MAP3K19: variants seen among roughly 807,000 people sequenced by gnomAD.
MAP3K19 encodes SPS1/STE20-related protein kinase YSK4.
MAP3K19 carries 91 observed loss-of-function variants against 114.4 expected under a neutral mutation model. The observed-to-expected ratio is 0.80, with a 90% confidence interval of 0.67 to 0.95. MAP3K19 has a LOEUF of 0.95. MAP3K19 is among the 40% of genes least tolerant of loss of function. The pLI is 0.00. For missense variants in MAP3K19, 1,471 were observed against 1,573.2 expected, an observed-to-expected ratio of 0.94 and a Z score of 1.10; for synonymous variants, 518 against 530.5, an observed-to-expected ratio of 0.98 and a Z score of 0.32.
intron 2 of MAP3K19, among the ~76,000 whole-genome samples, chr2:135,036,200 G>A (rs1044884647): frequency 3.3e-5 from 5 of 151,878 alleles, no homozygotes; most frequent in African/African-American, 1.2e-4. Context: ...ATTGCCCTTC[G>A]TTTATGTCTT....
chr2:135,038,630 G>C (rs1200290885), intron 2 of MAP3K19, among the ~76,000 whole-genome samples: 1 of 151,998 alleles, frequency 6.6e-6, no homozygotes, highest in Non-Finnish European at 1.5e-5. Context: ...AAGGTGGGTG[G>C]ATTGCCTGAG....
At chr2:135,010,872 C>T (rs1474293997) in intron 5 of MAP3K19, among the ~76,000 whole-genome samples, 1 of 152,032 alleles carries the variant, frequency 6.6e-6, no homozygotes, top group Non-Finnish European at 1.5e-5. Context: ...CTCAAGGGAT[C>T]TTCCCACTTC....
At chr2:135,014,889 C>T (rs536825766) in intron 5 of MAP3K19, among the ~76,000 whole-genome samples, 4 of 152,314 alleles carry the variant, frequency 2.6e-5, no homozygotes, top group African/African-American at 9.6e-5. Flanking sequence ...CTCTCATTCT[C>T]ATTTATGTGT....
In MAP3K19 at chr2:134,986,847, T is replaced by G. The variant is rs1242683315; in HGVS notation, c.2025A>C (p.Arg675=). The change falls in exon 10 of 13, where the codon CGA becomes CGC. Residue 675 remains arginine, a synonymous_variant. Transcript: ENST00000392915. ...ACGTGTTTTCATCCCTTTCAGTCTC[T>G]CGCACATGACAATAAACAGGGGTCC... The part of the protein sequence containing the change: ...MFGTPVYCHV[R]ETERDENTYY... 2.1e-5 allele frequency: 34 copies of G among 1,614,202 alleles called. No individual in the cohort carries two copies. The highest frequency in any genetic ancestry group is 2.9e-5 in the Non-Finnish European group (34 of 1,180,034).
intron 12 of MAP3K19, among the ~76,000 whole-genome samples, chr2:134,971,033 C>G (rs1218691424): frequency 6.6e-6 from 1 of 152,176 alleles, no homozygotes; most frequent in Non-Finnish European, 1.5e-5. Context: ...TTTCCCCATT[C>G]TGTATGATGT....
chr2:135,040,094 G>C (rs1249379166), intron 2 of MAP3K19, among the ~76,000 whole-genome samples: 2 of 152,088 alleles, frequency 1.3e-5, no homozygotes, highest in African/African-American at 2.4e-5. Flanking sequence ...AGCTCCTCGG[G>C]GGTGGCATCT....
chr2:134,986,335 T>C lies in MAP3K19; in HGVS notation c.2537A>G (p.Gln846Arg), dbSNP rs1363064570. ...GTCTTCTGAAGGGATAAATGGGATC[T>C]GGTGATGTAGCTCTTCAAGTTCTTG... ...DLQELEELHH[Q>R]IPFIPSEDSW... The change falls in exon 10 of 13, where the codon CAG (glutamine) becomes CGG (arginine). Residue 846 changes from glutamine (Q) to arginine (R), a missense_variant. Coordinates refer to ENST00000392915, the MANE Select transcript of MAP3K19 (RefSeq NM_025052.5). The C allele has an allele frequency of 1.9e-6, 3 of 1,613,590 alleles. No individual in the cohort carries two copies. Among genetic ancestry groups the C allele is most frequent in the Non-Finnish European group, 2.5e-6 (3 of 1,179,890 alleles).
intron 5 of MAP3K19, 51 bp from the exon 6 acceptor site, chr2:135,005,582 G>A (rs375165667): frequency 2.1e-6 from 3 of 1,402,766 alleles, no homozygotes; most frequent in South Asian, 1.2e-5. Context: ...CGATGTACCA[G>A]TTTGTTGGCA....
chr2:134,986,827 T>G lies in MAP3K19; in HGVS notation c.2045A>C (p.Asn682Thr). ...CGAACATATCTCACGGTAATACGTG[T>G]TTTCATCCCTTTCAGTCTCTCGCAC... ...CHVRETERDE[N>T]TYYREICSAP... Residue 682 changes from asparagine to threonine, a missense_variant, in exon 10 of 13, where the codon AAC becomes ACC. Transcript: ENST00000392915. The G allele has an allele frequency of 6.2e-7, 1 of 1,614,176 alleles. No individual in the cohort carries two copies. Among genetic ancestry groups the G allele is most frequent in the Non-Finnish European group, 8.5e-7 (1 of 1,180,024 alleles).
At position 135,005,478 on chromosome 2, in the gene MAP3K19, T is replaced by C. The variant is rs1480877190; in HGVS notation, c.192A>G (p.Glu64=). ...CSHSTLVNEE[E]DPSGGRQDWQ... ...AGTCCTGTCTACCACCACTGGGATC[T>C]TCTTCTTCATTAACCAGTGTGGAAT... The change falls in exon 6 of 13, where the codon GAA becomes GAG. Residue 64 remains glutamate, a synonymous_variant. Coordinates refer to ENST00000392915, the MANE Select transcript of MAP3K19 (RefSeq NM_025052.5). The C allele has an allele frequency of 1.2e-6, 2 of 1,614,008 alleles. No homozygotes were observed. The highest frequency in any genetic ancestry group is 2.2e-5 in the South Asian group (2 of 91,050).
chr2:134,966,566 A>C (rs1968611), intron 12 of MAP3K19, among the ~76,000 whole-genome samples: 1 of 152,018 alleles, frequency 6.6e-6, no homozygotes, highest in Non-Finnish European at 1.5e-5. Flanking sequence ...TTCTACGGGC[A>C]CTCACTTTTC....
intron 5 of MAP3K19, among the ~76,000 whole-genome samples, chr2:135,019,322 G>A (rs1288511332): frequency 6.6e-6 from 1 of 152,084 alleles, no homozygotes; most frequent in Non-Finnish European, 1.5e-5. Flanking sequence ...TTCTTGACTA[G>A]GAGAAAATAT....
rs142728110 is a variant in MAP3K19, at chr2:134,986,449, G to C, written c.2423C>G (p.Ser808Cys). The change falls in exon 10 of 13, where the codon TCC becomes TGC. Residue 808 changes from serine to cysteine, a missense_variant. Coordinates refer to ENST00000392915, the MANE Select transcript of MAP3K19 (RefSeq NM_025052.5). ...TTCCATAGAAACTTCTTCAACAATG[G>C]ATAAATCTGAGACAGGAGGGAATTC... ...QNEFPPVSDL[S>C]IVEEVSMEES... 3.7e-4 allele frequency: 600 copies of C among 1,614,054 alleles called. 1 individual carries two copies. The Middle Eastern group carries it at 7.4e-3, about 20-fold the overall frequency.
intron 10 of MAP3K19, 35 bp from the exon 11 acceptor site, chr2:134,983,860 A>G (rs1684899226): frequency 6.8e-7 from 1 of 1,470,992 alleles, no homozygotes; most frequent in Middle Eastern, 1.8e-4. Context: ...GATGACCATT[A>G]AACCAAGTCA....
At chr2:135,044,719 C>T (rs775601963) in intron 1 of MAP3K19, among the ~76,000 whole-genome samples, 1 of 152,194 alleles carries the variant, frequency 6.6e-6, no homozygotes, top group Non-Finnish European at 1.5e-5. Flanking sequence ...TTACTCCTTG[C>T]TAGCCACACT....
chr2:134,989,859 A>C (rs1376952576), intron 9 of MAP3K19, among the ~76,000 whole-genome samples: 2 of 152,154 alleles, frequency 1.3e-5, no homozygotes, highest in Non-Finnish European at 2.9e-5. Context: ...AGGCAATCGG[A>C]TCACTCAAGG....
chr2:134,990,035 T>C (rs901013949), intron 9 of MAP3K19, among the ~76,000 whole-genome samples: 2 of 151,938 alleles, frequency 1.3e-5, no homozygotes, highest in Admixed American at 6.5e-5. Flanking sequence ...TGAGCCGAGA[T>C]TGTGCCAACT....
At chr2:134,977,223 CA>C (rs1390818632) in intron 12 of MAP3K19, among the ~76,000 whole-genome samples, 4 of 151,066 alleles carry the variant, frequency 2.6e-5, no homozygotes, top group African/African-American at 9.7e-5. Context: ...ATTCTGTTGC[CA>C]AAGCTGGAGT....
At chr2:135,032,048 G>A (rs1688393613) in intron 2 of MAP3K19, among the ~76,000 whole-genome samples, 1 of 152,070 alleles carries the variant, frequency 6.6e-6, no homozygotes, top group Non-Finnish European at 1.5e-5. Flanking sequence ...AGAACTTGGA[G>A]CCCTCATACC....
Sources: allele counts gnomAD v4.1 joint callset (sites outside exome capture counted in the v4.1 genomes callset), GRCh38; gene constraint gnomAD v4.1.1; transcripts MANE v1.5; gene names NCBI Gene and HGNC (gene_info 2026-07-23, HGNC 2026-07-21).